The following SAMD11 variants were observed in gnomAD, a reference collection of about 807,000 sequenced individuals.
SAMD11 encodes the protein sterile alpha motif domain containing 11, also known as sterile alpha motif domain-containing protein 11.
A neutral mutation model predicts 64.4 loss-of-function variants in SAMD11; 77 were observed. The observed-to-expected ratio is 1.20, with a 90% CI of 0.99 to 1.44. The LOEUF (loss-of-function observed/expected upper bound fraction) is 1.44, where lower values mean the gene tolerates loss of function less well. Ranked by LOEUF, SAMD11 falls within the 40% of genes most tolerant of loss-of-function variation. The pLI is 0.00. For synonymous variants in SAMD11, 658 were observed against 421.9 expected (o/e 1.56, Z -6.86); for missense variants, 1,402 against 943.3 (o/e 1.49, Z -6.37).
At chr1:926,963 G>A (rs997145746) in intron 2 of SAMD11, among the ~76,000 whole-genome samples, 3 of 152,164 alleles carry the variant, frequency 2.0e-5, no homozygotes, top group African/African-American at 7.2e-5. Context: ...TAGGATGGGG[G>A]AGGGGATGCC....
rs539187646 is a variant in SAMD11, at chr1:939,173, G to T, written c.1057+44G>T. ...CGAGAGACAGGTCACCAGGGGAGGG[G>T]GCAGTCCCTGAGGGTCCCCTGGACC... On this transcript the variant is annotated intron_variant, in intron 6 of 13. Coordinates refer to ENST00000616016, the MANE Select transcript of SAMD11 (RefSeq NM_001385641.1). The T allele has an allele frequency of 3.3e-5, 52 of 1,554,564 alleles. No individual in the cohort carries two copies. The East Asian group carries it at 1.2e-3, about 37-fold the overall frequency.
At chr1:925,891 C>T (rs1401271702) in intron 1 of SAMD11, 31 bp from the exon 2 acceptor site, 3 of 1,536,802 alleles carry the variant, frequency 2.0e-6, no homozygotes, top group Non-Finnish European at 2.7e-6. Context: ...GTGCCGCTCC[C>T]TCACAGGGTC....
In SAMD11 at chr1:941,239, C is replaced by G. The variant is rs763142780; in HGVS notation, c.1291C>G (p.Arg431Gly). ...HLPSSTAGQRRKQGLAQHREG... is the reference protein window; with the variant it reads ...HLPSSTAGQRGKQGLAQHREG... ...GCCCTCCTCCACGGCAGGTCAGCGTCGGAAGCAGGGCCTGGCTCAGCACCG... is the reference window on the plus strand; with the variant it reads ...GCCCTCCTCCACGGCAGGTCAGCGTGGGAAGCAGGGCCTGGCTCAGCACCG... The change falls in exon 8 of 14, where the codon CGG becomes GGG. Residue 431 changes from arginine to glycine, a missense_variant. Physicochemically the swap from Arg to Gly is moderately radical, Grantham distance 125. Coordinates refer to ENST00000616016, the MANE Select transcript of SAMD11 (RefSeq NM_001385641.1). The G allele has an allele frequency of 9.2e-5, 148 of 1,601,776 alleles. No individual in the cohort carries two copies. The highest frequency in any genetic ancestry group is 1.2e-4 in the Non-Finnish European group (141 of 1,175,150).
intron 2 of SAMD11, among the ~76,000 whole-genome samples, chr1:927,347 G>A (rs1160670429): frequency 6.6e-6 from 1 of 152,170 alleles, no homozygotes; most frequent in Non-Finnish European, 1.5e-5. Context: ...GCTCCCCCAG[G>A]AGTGGGGAGC....
chr1:937,800 A>T (rs998533698), intron 5 of SAMD11, among the ~76,000 whole-genome samples: 6 of 152,234 alleles, frequency 3.9e-5, no homozygotes, highest in Admixed American at 3.3e-4. Context: ...GCCTGACAGC[A>T]GCCGGGCCAG....
intron 2 of SAMD11, among the ~76,000 whole-genome samples, chr1:927,558 C>G (rs1168295418): frequency 1.3e-5 from 2 of 152,232 alleles, no homozygotes; most frequent in African/African-American, 4.8e-5. Flanking sequence ...GGAAGCAACT[C>G]CAGGGGCCCC....
rs1035613371 is a variant in SAMD11 at position 943,612 on chromosome 1, G to C, written c.2179-86G>C. The C allele has an allele frequency of 1.2e-5, 16 of 1,378,612 alleles. No individual in the cohort carries two copies. In the African/African-American group the frequency reaches 2.4e-4, roughly 21 times the overall value. 85.4% of individuals were successfully genotyped at this position (1,378,612 alleles called of 1,614,324 possible). A position where few individuals can be genotyped will look rare whatever the true frequency, so the allele number is the denominator to read the frequency against. ...CACTGTTTTTAAAAAATTTCCGTGA[G>C]CTGCACAAACAGCTCCTCTTGGCTC... On this transcript the variant is annotated intron_variant, in intron 12 of 13. Transcript: ENST00000616016.
In SAMD11 at chr1:942,575, G is replaced by T. The variant is rs759736184; in HGVS notation, c.1570G>T (p.Asp524Tyr). The change falls in exon 11 of 14, where the codon GAC becomes TAC. Residue 524 changes from aspartate to tyrosine, a missense_variant. Asp to Tyr is a radical substitution (Grantham distance 160, BLOSUM62 -3). Coordinates refer to ENST00000616016, the MANE Select transcript of SAMD11 (RefSeq NM_001385641.1). ...CCGGCCCAGGCTGGAGCTGCCCGCC[G>T]ACCTCCTGCGGCAGAAGGAGCTGGA... ...QNLARLELPA[D>Y]LLRQKELESA... 15 of 1,407,792 alleles carry T rather than the reference G, an allele frequency of 1.1e-5. No homozygotes were observed. Among genetic ancestry groups the T allele is most frequent in the Non-Finnish European group, 1.4e-5 (15 of 1,089,938 alleles). The allele number at this position is 1,407,792 out of a possible 1,614,324, so 87.2% of individuals were successfully genotyped here.
In SAMD11 at chr1:942,199, C is replaced by A; in HGVS notation, c.1422C>A (p.Pro474=). Residue 474 remains proline, a synonymous_variant, in exon 9 of 14, where the codon CCC becomes CCA. Coordinates refer to ENST00000616016, the MANE Select transcript of SAMD11 (RefSeq NM_001385641.1). Reference sequence around the variant, plus strand: ...ATGCCCCTCACGTCGCCCTGGGCCCCCATCTCAGGCCCCCCTTCCTGGGGG... The same window carrying A: ...ATGCCCCTCACGTCGCCCTGGGCCCACATCTCAGGCCCCCCTTCCTGGGGG... ...PQNAPHVALG[P]HLRPPFLGVP... 7.3e-7 allele frequency: 1 copy of A among 1,374,192 alleles called. No individual in the cohort carries two copies. Among genetic ancestry groups the A allele is most frequent in the Non-Finnish European group, 9.4e-7 (1 of 1,060,212 alleles). 85.1% of individuals were successfully genotyped at this position (1,374,192 alleles called of 1,614,324 possible). A position where few individuals can be genotyped will look rare whatever the true frequency, so the allele number is the denominator to read the frequency against.
chr1:926,817 G>C (rs1640914311), intron 2 of SAMD11, among the ~76,000 whole-genome samples: 1 of 152,172 alleles, frequency 6.6e-6, no homozygotes, highest in Admixed American at 6.5e-5. Flanking sequence ...TTAGGGCCAT[G>C]GCTGCTGGGG....
Position 943,735 on chromosome 1 carries a change from C to G in SAMD11, c.2216C>G (p.Pro739Arg), listed in dbSNP as rs568615971. Reference sequence around the variant, plus strand: ...CAGGGGATCGACGGGGAGACCCTGCCACTGCTGACGGAGGAGCACCTGCTG... The same window carrying G: ...CAGGGGATCGACGGGGAGACCCTGCGACTGCTGACGGAGGAGCACCTGCTG... ...REQGIDGETLPLLTEEHLLTN... is the reference protein window; with the variant it reads ...REQGIDGETLRLLTEEHLLTN... Residue 739 changes from proline (P) to arginine (R), a missense_variant, in exon 13 of 14, where the codon CCA becomes CGA. Pro to Arg is a moderately radical substitution (Grantham distance 103). Transcript: ENST00000616016. 3 of 1,604,754 alleles carry G rather than the reference C, an allele frequency of 1.9e-6. No homozygotes were observed. Among genetic ancestry groups the G allele is most frequent in the African/African-American group, 2.7e-5 (2 of 74,780 alleles).
chr1:930,119 C>T (rs758377285), intron 2 of SAMD11, 36 bp from the exon 3 acceptor site: 11 of 1,539,894 alleles, frequency 7.1e-6, no homozygotes, highest in South Asian at 1.2e-5. Flanking sequence ...CCTTCCTCTC[C>T]TCCTGCCCCA....
intron 3 of SAMD11, among the ~76,000 whole-genome samples, chr1:930,613 C>G (rs1335228444): frequency 6.6e-6 from 1 of 152,248 alleles, no homozygotes; most frequent in Non-Finnish European, 1.5e-5. Flanking sequence ...GGCCGACGCT[C>G]CAGCTACCCT....
intron 13 of SAMD11, 47 bp downstream of exon 13, chr1:943,855 C>T (rs372365201): frequency 1.9e-6 from 3 of 1,612,982 alleles, no homozygotes; most frequent in Non-Finnish European, 2.5e-6. Flanking sequence ...CACAGCTGGG[C>T]AGAAAGCTCT....
rs766053074 is a variant in SAMD11 at position 942,786 on chromosome 1, C to T, written c.1781C>T (p.Ala594Val). ...CCGTCCCGGGACTCTGCCCGGCGAG[C>T]CCCCCGGAAGGGGGGTCCCGGCCCT... ...PTPSRDSARR[A>V]PRKGGPGPAS... Residue 594 changes from alanine to valine, a missense_variant, in exon 11 of 14, where the codon GCC (alanine) becomes GTC (valine). Physicochemically the swap from Ala to Val is moderately conservative, Grantham distance 64 (BLOSUM62 0). Transcript: ENST00000616016. 17 of 1,538,232 alleles carry T rather than the reference C, an allele frequency of 1.1e-5. No homozygotes were observed. The highest frequency in any genetic ancestry group is 2.5e-5 in the East Asian group (1 of 39,754).
Position 924,533 on chromosome 1 carries a change from A to G in SAMD11, c.102A>G (p.Pro34=), listed in dbSNP as rs112703963. 0.82 allele frequency: 123,562 copies of G among 150,314 alleles called. 54,363 individuals carry two copies. The highest frequency in any genetic ancestry group is 0.98 in the Non-Finnish European group (65,973 of 67,310). The allele number at this position is 150,314 out of a possible 1,614,324, so 9.3% of individuals were successfully genotyped here. A position where few individuals can be genotyped will look rare whatever the true frequency, so the allele number is the denominator to read the frequency against. Residue 34 remains proline (P), a synonymous_variant, in exon 1 of 14, where the codon CCA becomes CCG. Transcript: ENST00000616016. ...TLAALPLPPL[P]GYLAPLPAAA... ...CCGCGCTGCCGCTGCCGCCGCTGCCAGGCTACCTGGCGCCACTGCCCGCGG... is the reference window on the plus strand; with the variant it reads ...CCGCGCTGCCGCTGCCGCCGCTGCCGGGCTACCTGGCGCCACTGCCCGCGG...
rs370205344 is a variant in SAMD11 at position 939,316 on chromosome 1, C to T, written c.1099C>T (p.Pro367Ser). Residue 367 changes from proline to serine, a missense_variant, in exon 7 of 14, where the codon CCG (proline) becomes TCG (serine). Physicochemically the swap from Pro to Ser is moderately conservative, Grantham distance 74. Coordinates refer to ENST00000616016, the MANE Select transcript of SAMD11 (RefSeq NM_001385641.1). ...GCGGGAGCTGGGGCCCAGCATGGCCCCGGAGGACCATTACCGCCGGCTTGT... is the reference window on the plus strand; with the variant it reads ...GCGGGAGCTGGGGCCCAGCATGGCCTCGGAGGACCATTACCGCCGGCTTGT... Reference protein sequence around the residue: ...LPRELGPSMAPEDHYRRLVSA... With the variant: ...LPRELGPSMASEDHYRRLVSA... 1.2e-6 allele frequency: 2 copies of T among 1,611,402 alleles called. No homozygotes were observed. Among genetic ancestry groups the T allele is most frequent in the Non-Finnish European group, 1.7e-6 (2 of 1,179,448 alleles).
rs548193473 is a variant in SAMD11 at position 935,186 on chromosome 1, C to T, written c.843-586C>T. Among the ~76,000 whole-genome samples the T allele has an allele frequency of 1.6e-4, 25 of 152,248 alleles. 1 individual carries two copies. The South Asian group carries it at 4.6e-3, about 28-fold the overall frequency. On this transcript the variant is annotated intron_variant, in intron 4 of 13. Coordinates refer to ENST00000616016, the MANE Select transcript of SAMD11 (RefSeq NM_001385641.1). The stretch of plus-strand genomic sequence containing the variant: ...TAAATGCATGTTGATTCCAAGCCCC[C>T]GCCTGCCGGGGGGACAGCGGGAGGT...
chr1:932,408 G>C (rs555601790), intron 4 of SAMD11, among the ~76,000 whole-genome samples: 1 of 152,216 alleles, frequency 6.6e-6, no homozygotes, highest in Non-Finnish European at 1.5e-5. Flanking sequence ...CATCCTGCAC[G>C]GGCCCTAGAA....
Sources: gnomAD v4.1 joint callset for allele counts (sites outside exome capture counted in the v4.1 genomes callset) on GRCh38, gnomAD v4.1.1 for gene constraint, MANE v1.5 for transcripts, NCBI Gene and HGNC (gene_info 2026-07-23, HGNC 2026-07-21) for gene names.